SOAT1: variants seen among roughly 807,000 people sequenced by gnomAD.
The protein encoded by SOAT1 is acyl-coenzyme A:cholesterol acyltransferase 1.
A neutral mutation model predicts 69.5 loss-of-function variants in SOAT1; 55 were observed. The observed-to-expected ratio is 0.79, with a 90% CI of 0.64 to 0.99. The LOEUF is 0.99. SOAT1 is among the 50% of genes least tolerant of loss of function. The probability of loss-of-function intolerance (pLI) is 0.00; values close to 1 mark genes in which losing one functional copy is unlikely to be tolerated. For missense variants in SOAT1, 580 were observed against 669.3 expected (o/e 0.87, Z 1.47); for synonymous variants, 231 against 224.7 (o/e 1.03, Z -0.25).
At chr1:179,301,893 T>C (rs1431609376) in intron 1 of SOAT1, among the ~76,000 whole-genome samples, 1 of 152,184 alleles carries the variant, frequency 6.6e-6, no homozygotes, top group African/African-American at 2.4e-5. Context: ...TACCTTCTTT[T>C]CTGTGAAACC....
intron 11 of SOAT1, 142 bp downstream of exon 11, chr1:179,345,218 A>G (rs537855325): frequency 1.2e-4 from 86 of 739,126 alleles, no homozygotes; most frequent in South Asian, 1.1e-3. Context: ...TTTTGCATCT[A>G]CTTTATAAAT....
At chr1:179,345,140 C>A in intron 11 of SOAT1, 64 bp downstream of exon 11, 1 of 1,540,944 alleles carries the variant, frequency 6.5e-7, no homozygotes, top group Non-Finnish European at 8.9e-7. Flanking sequence ...AAGCTATTGC[C>A]TATGAGCACC....
chr1:179,350,318 C>A lies in SOAT1; in HGVS notation c.1337C>A (p.Ser446Tyr). 8 of 1,612,156 alleles carry A rather than the reference C, an allele frequency of 5.0e-6. No individual in the cohort carries two copies. Among genetic ancestry groups the A allele is most frequent in the Non-Finnish European group, 6.8e-6 (8 of 1,179,528 alleles). ...FLWFFSKRFK[S>Y]AAMLAVFAVS... ...TAGTTTTTCTCCAAGAGATTCAAAT[C>A]TGCTGCCATGTTAGCTGTCTTTGCT... is the stretch of plus-strand genomic sequence containing the variant. Residue 446 changes from serine (S) to tyrosine (Y), a missense_variant, in exon 14 of 16, where the codon TCT becomes TAT. Ser to Tyr is a moderately radical substitution (Grantham distance 144, BLOSUM62 -2). Coordinates refer to ENST00000367619, the MANE Select transcript of SOAT1 (RefSeq NM_003101.6).
chr1:179,339,397 A>G, intron 5 of SOAT1, 41 bp from the exon 6 acceptor site: 1 of 1,339,124 alleles, frequency 7.5e-7, no homozygotes, highest in Non-Finnish European at 1.0e-6. Flanking sequence ...TTAAATTTAA[A>G]TATACATTAT....
intron 11 of SOAT1, among the ~76,000 whole-genome samples, chr1:179,345,306 G>C (rs1254266581): frequency 6.6e-6 from 1 of 152,150 alleles, no homozygotes; most frequent in African/African-American, 2.4e-5. Flanking sequence ...TCTGACAGTG[G>C]ACAGTCCACA....
At chr1:179,307,334 A>G (rs1026503180) in intron 2 of SOAT1, among the ~76,000 whole-genome samples, 2 of 152,192 alleles carry the variant, frequency 1.3e-5, no homozygotes, top group Non-Finnish European at 2.9e-5. Flanking sequence ...CAGCTTCTAG[A>G]AGAGGAGAGC....
chr1:179,342,798 C>G, intron 8 of SOAT1, 64 bp from the exon 9 acceptor site: 2 of 1,128,506 alleles, frequency 1.8e-6, no homozygotes, highest in East Asian at 2.3e-5. Flanking sequence ...CTTATATTCC[C>G]CCCTGTATTT....
intron 2 of SOAT1, among the ~76,000 whole-genome samples, chr1:179,308,483 C>T (rs905681258): frequency 6.6e-5 from 10 of 151,860 alleles, no homozygotes; most frequent in Non-Finnish European, 1.5e-4. Flanking sequence ...ACTAGCCTGA[C>T]CAACATGATA....
intron 2 of SOAT1, among the ~76,000 whole-genome samples, chr1:179,313,689 A>T (rs1665298369): frequency 6.6e-6 from 1 of 152,056 alleles, no homozygotes; most frequent in Admixed American, 6.6e-5. Context: ...GGTCCAAGCG[A>T]TTCTCTTGCC....
intron 10 of SOAT1, among the ~76,000 whole-genome samples, chr1:179,343,981 C>T (rs1326215695): frequency 1.3e-5 from 2 of 151,952 alleles, no homozygotes; most frequent in African/African-American, 4.8e-5. Flanking sequence ...ATTAGCCTGG[C>T]GTGGAGGCAC....
intron 11 of SOAT1, among the ~76,000 whole-genome samples, chr1:179,345,776 C>T (rs1666512820): frequency 6.6e-6 from 1 of 152,118 alleles, no homozygotes; most frequent in African/African-American, 2.4e-5. Flanking sequence ...TCTCAAACTC[C>T]TGGGCTCAAG....
At chr1:179,318,545 G>A (rs1665475866) in intron 2 of SOAT1, among the ~76,000 whole-genome samples, 1 of 152,140 alleles carries the variant, frequency 6.6e-6, no homozygotes, top group African/African-American at 2.4e-5. Context: ...AAATTAGAAT[G>A]AAATGAATTT....
At chr1:179,298,529 C>T (rs552699450) in intron 1 of SOAT1, among the ~76,000 whole-genome samples, 4 of 151,322 alleles carry the variant, frequency 2.6e-5, no homozygotes, top group East Asian at 2.0e-4. Flanking sequence ...TGCAGAGGTG[C>T]GACCTGTGCT....
At position 179,296,621 on chromosome 1, in the gene SOAT1, G is replaced by A. The variant is rs567504149; in HGVS notation, c.-9+2685G>A. ...TTCTGTGATATGTAAAAGTTGTAGC[G>A]TTGTGTTAGGGCCAACCTTTGGGTG... On this transcript the variant is annotated intron_variant, in intron 1 of 15. Transcript: ENST00000367619. 7.9e-5 allele frequency among the ~76,000 whole-genome samples: 12 copies of A among 152,254 alleles called. No individual in the cohort carries two copies. The South Asian group carries it at 1.0e-3, about 13-fold the overall frequency.
chr1:179,346,162 A>G (rs1407467063), intron 11 of SOAT1, among the ~76,000 whole-genome samples: 1 of 151,978 alleles, frequency 6.6e-6, no homozygotes, highest in Non-Finnish European at 1.5e-5. Flanking sequence ...ACTTATTTGA[A>G]TGAACTCTGT....
chr1:179,336,094 G>A (rs1478609551), intron 4 of SOAT1, among the ~76,000 whole-genome samples: 1 of 151,706 alleles, frequency 6.6e-6, no homozygotes, highest in South Asian at 2.1e-4. Context: ...AACCTAGGAG[G>A]CGGGGGTTGC....
At chr1:179,330,010 C>T (rs374515523) in intron 3 of SOAT1, among the ~76,000 whole-genome samples, 16 of 152,218 alleles carry the variant, frequency 1.1e-4, no homozygotes, top group African/African-American at 3.9e-4. Context: ...TTTGTAATTG[C>T]CCGTTGGGTT....
At chr1:179,317,528 G>A (rs1181391307) in intron 2 of SOAT1, among the ~76,000 whole-genome samples, 8 of 94,490 alleles carry the variant, frequency 8.5e-5, no homozygotes, top group Non-Finnish European at 1.5e-4. Flanking sequence ...GCGAGACTCC[G>A]TCTCAAAAAA....
intron 4 of SOAT1, 126 bp downstream of exon 4, chr1:179,335,783 T>C (rs764556967): frequency 8.3e-6 from 7 of 843,158 alleles, no homozygotes; most frequent in Admixed American, 2.8e-5. Context: ...GTGTGTTACA[T>C]TGGGAAAGTT....
Sources: allele counts gnomAD v4.1 joint callset (sites outside exome capture counted in the v4.1 genomes callset), GRCh38; gene constraint gnomAD v4.1.1; transcripts MANE v1.5; gene names NCBI Gene and HGNC (gene_info 2026-07-23, HGNC 2026-07-21).